SND1: variants seen among roughly 807,000 people sequenced by gnomAD.
SND1 encodes the protein staphylococcal nuclease domain-containing protein 1.
In SND1, 38 loss-of-function variants were observed where a neutral mutation model predicts 121.7. The observed-to-expected ratio is 0.31, with a 90% CI of 0.24 to 0.41. SND1 has a LOEUF of 0.41. SND1 is among the 10% of genes least tolerant of loss of function. The probability of loss-of-function intolerance (pLI) is 1.00; values close to 1 mark genes in which losing one functional copy is unlikely to be tolerated. For synonymous variants in SND1, 401 were observed against 447.4 expected (o/e 0.90, Z 1.31); for missense variants, 868 against 1,184.6 (o/e 0.73, Z 3.92).
At chr7:127,795,836 TTTTATTTATTTA>T (rs578235504) in intron 10 of SND1, among the ~76,000 whole-genome samples, 1 of 151,912 alleles carries the variant, frequency 6.6e-6, no homozygotes, top group African/African-American at 2.4e-5. Flanking sequence ...TTTTCTAATC[TTTTATTTATTTA>T]TTTATTTATT....
At chr7:127,927,840 C>G (rs1039342054) in intron 14 of SND1, among the ~76,000 whole-genome samples, 2 of 152,126 alleles carry the variant, frequency 1.3e-5, no homozygotes, top group African/African-American at 2.4e-5. Flanking sequence ...TAAAATAGCT[C>G]TGTTGTTAGA....
intron 14 of SND1, among the ~76,000 whole-genome samples, chr7:127,913,725 AGT>A (rs1800508990): frequency 6.6e-6 from 1 of 152,166 alleles, no homozygotes; most frequent in Non-Finnish European, 1.5e-5. Flanking sequence ...ATGGCTGCTG[AGT>A]GATGTGATAA....
intron 16 of SND1, among the ~76,000 whole-genome samples, chr7:127,994,774 C>T (rs1802606821): frequency 1.3e-5 from 2 of 151,986 alleles, no homozygotes; most frequent in African/African-American, 2.4e-5. Context: ...TGCAGTGGCG[C>T]GATCTCAGCT....
At chr7:127,771,276 A>G (rs1797508254) in intron 10 of SND1, among the ~76,000 whole-genome samples, 1 of 152,194 alleles carries the variant, frequency 6.6e-6, no homozygotes, top group Non-Finnish European at 1.5e-5. Flanking sequence ...TACGTATACT[A>G]TTGGTTTCCC....
chr7:127,861,120 G>A (rs1385284944), intron 12 of SND1, among the ~76,000 whole-genome samples: 2 of 152,072 alleles, frequency 1.3e-5, no homozygotes, highest in Non-Finnish European at 2.9e-5. Flanking sequence ...TTCTAAAAGG[G>A]GCTTTTATTC....
intron 1 of SND1, among the ~76,000 whole-genome samples, chr7:127,674,005 TTCCTTCCTTC>T (rs954174595): frequency 2.6e-5 from 4 of 151,722 alleles, no homozygotes; most frequent in Admixed American, 6.6e-5. Context: ...CCCTTTCCTT[TTCCTTCCTTC>T]TCCTTCCTTC....
At chr7:127,776,103 G>C (rs1226410212) in intron 10 of SND1, among the ~76,000 whole-genome samples, 2 of 152,172 alleles carry the variant, frequency 1.3e-5, no homozygotes, top group Non-Finnish European at 1.5e-5. Flanking sequence ...GGTAGTTTTT[G>C]AAGTTCAGTA....
At chr7:127,695,053 A>G (rs1795983794) in intron 3 of SND1, 105 bp downstream of exon 3, 1 of 1,407,182 alleles carries the variant, frequency 7.1e-7, no homozygotes, top group Non-Finnish European at 9.7e-7. Context: ...AGGAAGCTCT[A>G]GGACAGTTGG....
chr7:127,963,495 T>C (rs1801784140), intron 15 of SND1, among the ~76,000 whole-genome samples: 1 of 123,152 alleles, frequency 8.1e-6, no homozygotes, highest in Non-Finnish European at 1.7e-5. Flanking sequence ...TGAGTGAGAA[T>C]ATGCGGTGTT....
At chr7:127,704,405 T>C (rs1796154831) in intron 7 of SND1, among the ~76,000 whole-genome samples, 1 of 152,190 alleles carries the variant, frequency 6.6e-6, no homozygotes, top group Non-Finnish European at 1.5e-5. Flanking sequence ...GGGCAAAATG[T>C]AGCTTCCGTT....
At chr7:127,956,853 G>A (rs1402055008) in intron 15 of SND1, among the ~76,000 whole-genome samples, 1 of 152,116 alleles carries the variant, frequency 6.6e-6, no homozygotes, top group African/African-American at 2.4e-5. Context: ...CTATCACATT[G>A]TATAATTTAC....
chr7:127,863,839 A>G (rs548874525), intron 12 of SND1, among the ~76,000 whole-genome samples: 68 of 152,324 alleles, frequency 4.5e-4, no homozygotes, highest in South Asian at 1.5e-3. Flanking sequence ...GATGATGTGC[A>G]AGCAAATGGG....
intron 12 of SND1, among the ~76,000 whole-genome samples, chr7:127,864,306 C>A (rs1005466446): frequency 6.6e-6 from 1 of 151,708 alleles, no homozygotes; most frequent in Non-Finnish European, 1.5e-5. Flanking sequence ...GTTTTCAATA[C>A]AATCTGATGG....
At chr7:127,742,802 A>G (rs1796909145) in intron 10 of SND1, among the ~76,000 whole-genome samples, 1 of 152,144 alleles carries the variant, frequency 6.6e-6, no homozygotes, top group Non-Finnish European at 1.5e-5. Flanking sequence ...TGGTGGTGGG[A>G]ATAACTCAAG....
chr7:127,996,284 C>T (rs1802655469), intron 16 of SND1, among the ~76,000 whole-genome samples: 1 of 152,160 alleles, frequency 6.6e-6, no homozygotes, highest in African/African-American at 2.4e-5. Flanking sequence ...GGAAATAAAA[C>T]TTAGAATACA....
At chr7:128,032,516 GGAGA>G (rs1792657066) in intron 16 of SND1, among the ~76,000 whole-genome samples, 1 of 151,256 alleles carries the variant, frequency 6.6e-6, no homozygotes, top group African/African-American at 2.4e-5. Flanking sequence ...GGCTGCGGCG[GGAGA>G]GCCCGCGCCG....
At chr7:127,845,538 T>G (rs1464597813) in intron 12 of SND1, among the ~76,000 whole-genome samples, 17 of 152,250 alleles carry the variant, frequency 1.1e-4, no homozygotes, top group Non-Finnish European at 2.9e-5. Flanking sequence ...CATATTTTGG[T>G]CATTATTCTA....
chr7:127,843,354 C>G (rs772887468), intron 11 of SND1, among the ~76,000 whole-genome samples: 27 of 152,262 alleles, frequency 1.8e-4, no homozygotes, highest in Non-Finnish European at 3.5e-4. Context: ...AGAATAGTTT[C>G]ATTACGCTAA....
chr7:127,932,297 G>A (rs1188642170), intron 15 of SND1, among the ~76,000 whole-genome samples: 1 of 152,178 alleles, frequency 6.6e-6, no homozygotes, highest in Non-Finnish European at 1.5e-5. Context: ...CTTCAATGGA[G>A]GAAGTAACTG....
Sources: gnomAD v4.1 joint callset for allele counts (sites outside exome capture counted in the v4.1 genomes callset) on GRCh38, gnomAD v4.1.1 for gene constraint, MANE v1.5 for transcripts, NCBI Gene and HGNC (gene_info 2026-07-23, HGNC 2026-07-21) for gene names.